The following MED12L variants were observed in gnomAD, a reference collection of about 807,000 sequenced individuals.
The protein encoded by MED12L is mediator complex subunit 12L, also known as mediator of RNA polymerase II transcription subunit 12-like protein.
Under a neutral mutation model 281.3 loss-of-function variants are expected in MED12L, and 60 were observed. That is an observed-to-expected ratio of 0.21 (90% confidence interval 0.17 to 0.26). MED12L has a LOEUF of 0.26. Among genes scored for constraint, MED12L ranks in the 10% least tolerant of loss-of-function variants. MED12L has a pLI of 1.00. For synonymous variants in MED12L, 974 were observed against 987.2 expected, an observed-to-expected ratio of 0.99 and a Z score of 0.25; for missense variants, 2,146 against 2,680.9, an observed-to-expected ratio of 0.80 and a Z score of 4.41.
intron 16 of MED12L, among the ~76,000 whole-genome samples, chr3:151,335,713 A>G (rs1225624997): frequency 6.6e-6 from 1 of 152,216 alleles, no homozygotes; most frequent in African/African-American, 2.4e-5. Context: ...CTCCATAAAT[A>G]CTAACTCTCA....
At chr3:151,117,378 A>G (rs1712986396) in intron 3 of MED12L, among the ~76,000 whole-genome samples, 1 of 151,994 alleles carries the variant, frequency 6.6e-6, no homozygotes, top group South Asian at 2.1e-4. Context: ...CCAGATCTGG[A>G]TGCTCAGTGC....
chr3:151,320,051 C>T (rs1369772989), intron 16 of MED12L, among the ~76,000 whole-genome samples: 1 of 152,036 alleles, frequency 6.6e-6, no homozygotes, highest in Non-Finnish European at 1.5e-5. Flanking sequence ...AATGTATTAC[C>T]AAGGCTTACC....
chr3:151,394,716 C>A lies in MED12L; in HGVS notation c.5669C>A (p.Ser1890Ter). Residue 1890 changes from serine to a stop codon, truncating the protein, a stop_gained, in exon 39 of 45, where the codon TCA (serine) becomes TAA (stop). Transcript: ENST00000687756. LOFTEE classifies it high-confidence loss of function. ...CCAACCAACACCAAACAAGCTCTGT[C>A]AAACATGCTACAGCGGCGCTCAGGC... The part of the protein sequence containing the change: ...FVPTNTKQAL[S>*]NMLQRRSGAM... 1 of 1,614,270 alleles carries A rather than the reference C, an allele frequency of 6.2e-7. No individual in the cohort carries two copies. Among genetic ancestry groups the A allele is most frequent in the South Asian group, 1.1e-5 (1 of 91,078 alleles).
rs188636393 is a variant in MED12L, at chr3:151,435,431, T to G, written c.*2627T>G. On this transcript the variant is annotated 3_prime_UTR_variant, in exon 45 of 45. Transcript: ENST00000687756. ...AGCCACAGGGTACTAACATCAGACA[T>G]AAGTTGCAACCAGGTCACATTTTAG... The G allele has an allele frequency of 1.9e-4, 29 of 151,928 alleles. No homozygotes were observed. Among genetic ancestry groups the G allele is most frequent in the African/African-American group, 5.6e-4 (23 of 41,366 alleles). 9.4% of individuals were successfully genotyped at this position (151,928 alleles called of 1,614,324 possible).
chr3:151,165,509 A>G lies in MED12L; in HGVS notation c.1347A>G (p.Glu449=). 1 of 1,612,900 alleles carries G rather than the reference A, an allele frequency of 6.2e-7. No homozygotes were observed. The highest frequency in any genetic ancestry group is 1.3e-5 in the African/African-American group (1 of 75,008). The change falls in exon 10 of 45, where the codon GAA becomes GAG. Residue 449 remains glutamate, a synonymous_variant. Coordinates refer to ENST00000687756, the MANE Select transcript of MED12L (RefSeq NM_001393769.1). ...EVRWSFDKCQ[E]STAGVTISRV... ...GGTGGTCATTTGACAAGTGCCAAGAATCCACAGCAGGTACAGAATGCCACA... is the reference window on the plus strand; with the variant it reads ...GGTGGTCATTTGACAAGTGCCAAGAGTCCACAGCAGGTACAGAATGCCACA...
At chr3:151,203,904 A>G (rs554131334) in intron 16 of MED12L, among the ~76,000 whole-genome samples, 1 of 152,304 alleles carries the variant, frequency 6.6e-6, no homozygotes, top group Non-Finnish European at 1.5e-5. Context: ...TGTAATAAGT[A>G]TTTGTCTGTT....
intron 33 of MED12L, 26 bp downstream of exon 33, chr3:151,382,771 C>T: frequency 6.4e-7 from 1 of 1,559,824 alleles, no homozygotes; most frequent in South Asian, 1.1e-5. Context: ...AGTATTTTCC[C>T]TCCATTAAAC....
chr3:151,145,524 A>C (rs1717642726), intron 5 of MED12L, among the ~76,000 whole-genome samples: 1 of 152,212 alleles, frequency 6.6e-6, no homozygotes, highest in Non-Finnish European at 1.5e-5. Flanking sequence ...ATTCAAAACT[A>C]AACTGAAAAC....
chr3:151,131,499 C>G (rs1046103155), intron 5 of MED12L, among the ~76,000 whole-genome samples: 2 of 151,980 alleles, frequency 1.3e-5, no homozygotes, highest in African/African-American at 4.8e-5. Context: ...CCCAGCTACT[C>G]AGGAGGCTGA....
intron 44 of MED12L, among the ~76,000 whole-genome samples, chr3:151,432,403 A>G (rs1719640189): frequency 6.6e-6 from 1 of 152,226 alleles, no homozygotes; most frequent in South Asian, 2.1e-4. Context: ...AGAATTGCTG[A>G]CTTTCATAAG....
intron 38 of MED12L, among the ~76,000 whole-genome samples, chr3:151,390,828 C>T (rs1455074618): frequency 6.6e-6 from 1 of 152,066 alleles, no homozygotes; most frequent in African/African-American, 2.4e-5. Context: ...ATTTTGAGGT[C>T]TGTGGAAGAA....
chr3:151,294,999 T>C (rs201763329), intron 16 of MED12L: 13 of 1,613,718 alleles, frequency 8.1e-6, no homozygotes, highest in East Asian at 6.7e-5. Context: ...GCAACCACTA[T>C]GTTTTTGAGA....
chr3:151,380,305 A>G lies in MED12L; in HGVS notation c.4590+81A>G, dbSNP rs558538730. ...ATTTGCCTTTCAAATACTGAGATTA[A>G]ATTAATAAGGGCCAGGTGTGGTGGC... On this transcript the variant is annotated intron_variant, in intron 32 of 44. Transcript: ENST00000687756. The G allele has an allele frequency of 4.1e-6, 4 of 968,782 alleles. No individual in the cohort carries two copies. The South Asian group carries it at 6.1e-5, about 15-fold the overall frequency. The allele number at this position is 968,782 out of a possible 1,614,324, so 60.0% of individuals were successfully genotyped here.
chr3:151,171,449 C>T (rs1479683368), intron 11 of MED12L, among the ~76,000 whole-genome samples: 1 of 152,188 alleles, frequency 6.6e-6, no homozygotes, highest in Non-Finnish European at 1.5e-5. Context: ...CTTTTCACTT[C>T]TCTCTTTGGG....
intron 17 of MED12L, among the ~76,000 whole-genome samples, chr3:151,352,716 T>C (rs1317278663): frequency 6.6e-6 from 1 of 152,188 alleles, no homozygotes. Flanking sequence ...AAATAACATT[T>C]CCAGTTGAAT....
At chr3:151,124,302 T>C (rs1714181041) in intron 4 of MED12L, among the ~76,000 whole-genome samples, 1 of 152,244 alleles carries the variant, frequency 6.6e-6, no homozygotes, top group Non-Finnish European at 1.5e-5. Flanking sequence ...TGCAGTGTGT[T>C]AGCCATTATT....
chr3:151,217,652 C>T (rs1454170068), intron 16 of MED12L, among the ~76,000 whole-genome samples: 1 of 152,190 alleles, frequency 6.6e-6, no homozygotes, highest in Non-Finnish European at 1.5e-5. Context: ...CCCTGTGCCA[C>T]TGTCTGGTTT....
At chr3:151,155,050 T>C (rs1416375607) in intron 5 of MED12L, among the ~76,000 whole-genome samples, 1 of 152,260 alleles carries the variant, frequency 6.6e-6, no homozygotes, top group African/African-American at 2.4e-5. Flanking sequence ...CTCTGGGTTC[T>C]GTTAAATAAT....
intron 41 of MED12L, 91 bp downstream of exon 41, chr3:151,411,598 T>G (rs1716945712): frequency 8.7e-7 from 1 of 1,151,362 alleles, no homozygotes; most frequent in Non-Finnish European, 1.3e-6. Context: ...TTTATCATTG[T>G]TTTTATGAGC....
Sources: gnomAD v4.1 joint callset for allele counts (sites outside exome capture counted in the v4.1 genomes callset) on GRCh38, gnomAD v4.1.1 for gene constraint, MANE v1.5 for transcripts, NCBI Gene and HGNC (gene_info 2026-07-23, HGNC 2026-07-21) for gene names.